CBLB: variants seen among roughly 807,000 people sequenced by gnomAD.
CBLB encodes the protein E3 ubiquitin-protein ligase CBL-B.
Under a neutral mutation model 104.9 loss-of-function variants are expected in CBLB, and 31 were observed. The ratio of observed to expected loss-of-function variants is 0.30; its 90% CI spans 0.22 to 0.40. CBLB has a LOEUF of 0.40. Among genes scored for constraint, CBLB ranks in the 10% least tolerant of loss-of-function variants. The probability of loss-of-function intolerance (pLI) is 1.00; values close to 1 mark genes in which losing one functional copy is unlikely to be tolerated. For synonymous variants in CBLB, 440 were observed against 422.6 expected, an observed-to-expected ratio of 1.04 and a Z score of -0.51; for missense variants, 1,062 against 1,214.6, an observed-to-expected ratio of 0.87 and a Z score of 1.87.
rs147156324 is a variant in CBLB at position 105,861,684 on chromosome 3, TACAC to T, written c.168+5722_168+5725del. On this transcript the variant is annotated intron_variant, in intron 2 of 18. Transcript: ENST00000394030. The stretch of plus-strand genomic sequence containing the variant: ...ACCTCTCCTATGGTGTGTGCACACA[TACAC>T]ACACACACACACACACACATACATA... Among the ~76,000 whole-genome samples, 1,080 of 145,078 alleles carry T rather than the reference TACAC, an allele frequency of 7.4e-3. 11 individuals carry two copies. Among genetic ancestry groups the T allele is most frequent in the African/African-American group, 0.025 (990 of 39,438 alleles).
chr3:105,791,796 T>C (rs559511674), intron 3 of CBLB, among the ~76,000 whole-genome samples: 4 of 152,380 alleles, frequency 2.6e-5, no homozygotes, highest in African/African-American at 9.6e-5. Context: ...ATGGGTGGCC[T>C]AGCATTTGGT....
At position 105,735,502 on chromosome 3, in the gene CBLB, A is replaced by G. The variant is rs150148734; in HGVS notation, c.1072-1362T>C. 2.3e-3 allele frequency among the ~76,000 whole-genome samples: 351 copies of G among 152,348 alleles called. 2 individuals are homozygous for G. The highest frequency in any genetic ancestry group is 8.2e-3 in the African/African-American group (340 of 41,586). ...TGCAACCTAAACAGTAAGAGTATTT[A>G]TGAGTAATTTAAGGGGATGTTATTA... On this transcript the variant is annotated intron_variant, in intron 8 of 18. Transcript: ENST00000394030.
intron 18 of CBLB, among the ~76,000 whole-genome samples, chr3:105,660,474 G>A (rs2063683643): frequency 6.6e-6 from 1 of 152,020 alleles, no homozygotes; most frequent in Non-Finnish European, 1.5e-5. Context: ...TTACAGGAGT[G>A]AGCCACCGCA....
At chr3:105,708,977 C>T (rs9288816) in intron 10 of CBLB, among the ~76,000 whole-genome samples, 150,604 of 152,064 alleles carry the variant, frequency 0.99, 74,598 homozygotes, top group East Asian at 1. Flanking sequence ...AAAAGGTAAT[C>T]CCATTAAAGT....
chr3:105,792,909 G>A (rs2081853501), intron 3 of CBLB, among the ~76,000 whole-genome samples: 1 of 152,132 alleles, frequency 6.6e-6, no homozygotes, highest in Admixed American at 6.5e-5. Context: ...ATTTAAAAAG[G>A]TAAGACCAAC....
intron 3 of CBLB, among the ~76,000 whole-genome samples, chr3:105,827,672 A>G (rs917445801): frequency 6.6e-6 from 1 of 152,170 alleles, no homozygotes; most frequent in African/African-American, 2.4e-5. Context: ...AAGCAGACAC[A>G]AAAATTTAAG....
At chr3:105,710,433 G>T (rs2070899621) in intron 10 of CBLB, among the ~76,000 whole-genome samples, 1 of 151,894 alleles carries the variant, frequency 6.6e-6, no homozygotes, top group Non-Finnish European at 1.5e-5. Context: ...TTATGTAGAG[G>T]TAACTGCAAA....
chr3:105,738,220 T>A (rs2075160924), intron 7 of CBLB, among the ~76,000 whole-genome samples: 1 of 152,166 alleles, frequency 6.6e-6, no homozygotes, highest in Non-Finnish European at 1.5e-5. Flanking sequence ...ACAAATCTAT[T>A]CTTTAAAATA....
At position 105,670,110 on chromosome 3, in the gene CBLB, T is replaced by C. The variant is rs904853906; in HGVS notation, c.2689+123A>G. 4 of 880,240 alleles carry C rather than the reference T, an allele frequency of 4.5e-6. No homozygotes were observed. The African/African-American group carries it at 5.1e-5, about 11-fold the overall frequency. The allele number at this position is 880,240 out of a possible 1,614,324, so 54.5% of individuals were successfully genotyped here. ...CTTTATAAGCAAAATGCAATGATGATCAAAATACTTTCTTGGGTGGACAAC... is the reference window on the plus strand; with the variant it reads ...CTTTATAAGCAAAATGCAATGATGACCAAAATACTTTCTTGGGTGGACAAC... On this transcript the variant is annotated intron_variant, in intron 18 of 18. Coordinates refer to ENST00000394030, the MANE Select transcript of CBLB (RefSeq NM_170662.5).
At chr3:105,681,923 G>T in intron 14 of CBLB, 105 bp from the exon 15 acceptor site, 1 of 714,710 alleles carries the variant, frequency 1.4e-6, no homozygotes, top group East Asian at 2.6e-5. Context: ...AATAAAGTTT[G>T]AACATATATT....
At chr3:105,670,422 G>T in intron 17 of CBLB, 70 bp from the exon 18 acceptor site, 1 of 1,264,724 alleles carries the variant, frequency 7.9e-7, no homozygotes, top group Non-Finnish European at 1.1e-6. Context: ...AAAAATTCTA[G>T]AATTATTTTA....
chr3:105,859,776 A>G (rs2091949165), intron 2 of CBLB, among the ~76,000 whole-genome samples: 1 of 151,932 alleles, frequency 6.6e-6, no homozygotes, highest in African/African-American at 2.4e-5. Flanking sequence ...AATAACAGGT[A>G]CCGAAGAGTT....
At chr3:105,846,640 A>G (rs1002886721) in intron 3 of CBLB, among the ~76,000 whole-genome samples, 2 of 152,124 alleles carry the variant, frequency 1.3e-5, no homozygotes, top group Non-Finnish European at 2.9e-5. Flanking sequence ...AAGCCAACCA[A>G]AGTTACAAAG....
Position 105,720,042 on chromosome 3 carries a change from T to G in CBLB, c.1407+5A>C. 6.2e-7 allele frequency: 1 copy of G among 1,608,370 alleles called. No individual in the cohort carries two copies. Among genetic ancestry groups the G allele is most frequent in the Non-Finnish European group, 8.5e-7 (1 of 1,174,872 alleles). ...CCTTAACTAAACCCATGTTTCTAGT[T>G]TTACCTTTCGGACGTTTGCCAACCG... On this transcript the variant is annotated splice_donor_5th_base_variant and intron_variant, in intron 10 of 18. Coordinates refer to ENST00000394030, the MANE Select transcript of CBLB (RefSeq NM_170662.5).
rs1488122850 is a variant in CBLB, at chr3:105,795,333, T to C, written c.420-18791A>G. ...GCAGCAATAAGGATGAATCTCACCA[T>C]CATAATGTTGATCGAAAGAAACCAA... On this transcript the variant is annotated intron_variant, in intron 3 of 18. Coordinates refer to ENST00000394030, the MANE Select transcript of CBLB (RefSeq NM_170662.5). Among the ~76,000 whole-genome samples the C allele has an allele frequency of 5.3e-5, 8 of 152,206 alleles. No homozygotes were observed. The South Asian group carries it at 8.3e-4, about 16-fold the overall frequency.
intron 17 of CBLB, among the ~76,000 whole-genome samples, chr3:105,675,508 A>C (rs1350706500): frequency 6.6e-6 from 1 of 152,204 alleles, no homozygotes; most frequent in Admixed American, 6.5e-5. Flanking sequence ...AATAGCATTA[A>C]AATATTAAAA....
chr3:105,668,761 C>G (rs150571012), intron 18 of CBLB, among the ~76,000 whole-genome samples: 1 of 152,218 alleles, frequency 6.6e-6, no homozygotes, highest in East Asian at 1.9e-4. Flanking sequence ...TATAAATACA[C>G]AGGGATTTCT....
chr3:105,684,497 C>A (rs1299076950), intron 14 of CBLB, among the ~76,000 whole-genome samples: 1 of 152,080 alleles, frequency 6.6e-6, no homozygotes, highest in African/African-American at 2.4e-5. Flanking sequence ...CAAGGCTATC[C>A]CCATGTAAGT....
Position 105,845,716 on chromosome 3 carries a change from C to T in CBLB, c.419+7698G>A, listed in dbSNP as rs956615394. Among the ~76,000 whole-genome samples, 4 of 152,044 alleles carry T rather than the reference C, an allele frequency of 2.6e-5. 1 individual carries two copies. Among genetic ancestry groups the T allele is most frequent in the African/African-American group, 9.7e-5 (4 of 41,416 alleles). On this transcript the variant is annotated intron_variant, in intron 3 of 18. Transcript: ENST00000394030. ...TCTCACCTGCCTCCCCTAACAGACT[C>T]CCTTTGTTTAACTTTGAAAACATTT... is the stretch of plus-strand genomic sequence containing the variant.
Sources: gnomAD v4.1 joint callset for allele counts (sites outside exome capture counted in the v4.1 genomes callset) on GRCh38, gnomAD v4.1.1 for gene constraint, MANE v1.5 for transcripts, NCBI Gene and HGNC (gene_info 2026-07-23, HGNC 2026-07-21) for gene names.